The following HIGD1A variants were observed in gnomAD, a reference collection of about 807,000 sequenced individuals.
HIGD1A encodes the protein HIG1 hypoxia inducible domain family member 1A, also known as HIG1 domain family member 1A, mitochondrial.
In HIGD1A, 8 loss-of-function variants were observed where a neutral mutation model predicts 11.3. The observed-to-expected ratio is 0.71, with a 90% CI of 0.42 to 1.28. The LOEUF (loss-of-function observed/expected upper bound fraction) is 1.28. Among genes scored for constraint, HIGD1A ranks in the 50% most tolerant of loss-of-function variants. The pLI is 0.01. For synonymous variants in HIGD1A, 32 were observed against 38.4 expected (o/e 0.83, Z 0.62); for missense variants, 107 against 118.8 (o/e 0.90, Z 0.46).
rs1269856004 is a variant in HIGD1A at position 42,783,999 on chromosome 3, C to G, written c.*1272G>C. 6.6e-6 allele frequency among the ~76,000 whole-genome samples: 1 copy of G among 151,444 alleles called. No homozygotes were observed. Among genetic ancestry groups the G allele is most frequent in the Non-Finnish European group, 1.5e-5 (1 of 67,934 alleles). ...GCTGAGGCAAGAGAATCACTTGAAC[C>G]TGGGGGATGGAAGTTGCAGTGAGCC... On this transcript the variant is annotated 3_prime_UTR_variant, in exon 4 of 4. Coordinates refer to ENST00000321331, the MANE Select transcript of HIGD1A (RefSeq NM_014056.4).
intron 2 of HIGD1A, among the ~76,000 whole-genome samples, chr3:42,793,175 A>C (rs1176130234): frequency 6.6e-6 from 1 of 152,168 alleles, no homozygotes; most frequent in Non-Finnish European, 1.5e-5. Flanking sequence ...TAATTTTAAA[A>C]TTCTCTGTAA....
At chr3:42,792,673 CAA>C (rs770734262) in intron 2 of HIGD1A, among the ~76,000 whole-genome samples, 4 of 83,366 alleles carry the variant, frequency 4.8e-5, no homozygotes, top group Non-Finnish European at 7.2e-5. Flanking sequence ...GACTCCGTTT[CAA>C]AAAAAAAAAA....
At chr3:42,795,930 A>G (rs1700492332) in intron 1 of HIGD1A, among the ~76,000 whole-genome samples, 1 of 152,238 alleles carries the variant, frequency 6.6e-6, no homozygotes, top group Admixed American at 6.5e-5. Flanking sequence ...AAGGGCCTGA[A>G]GCATAGTGTA....
At chr3:42,785,919 G>A (rs1700343683) in intron 3 of HIGD1A, 109 bp downstream of exon 3, 1 of 940,060 alleles carries the variant, frequency 1.1e-6, no homozygotes, top group Non-Finnish European at 1.7e-6. Flanking sequence ...ATGAGTATAA[G>A]TGATATTCTC....
intron 2 of HIGD1A, among the ~76,000 whole-genome samples, chr3:42,786,769 TAAGA>T (rs951440479): frequency 2.0e-5 from 3 of 152,188 alleles, no homozygotes; most frequent in African/African-American, 7.2e-5. Context: ...GTTTTCTTTT[TAAGA>T]TTTATTATTT....
intron 1 of HIGD1A, 40 bp from the exon 2 acceptor site, chr3:42,794,315 T>A: frequency 6.6e-7 from 1 of 1,519,014 alleles, no homozygotes; most frequent in South Asian, 1.3e-5. Context: ...ATTAAAAGCA[T>A]CTGAACATTA....
chr3:42,800,773 G>C (rs529555752), intron 1 of HIGD1A, among the ~76,000 whole-genome samples: 1 of 151,664 alleles, frequency 6.6e-6, no homozygotes, highest in African/African-American at 2.4e-5. Context: ...AATCATCCTA[G>C]GAAGCCCGCC....
At chr3:42,788,530 CA>C (rs1312228588) in intron 2 of HIGD1A, among the ~76,000 whole-genome samples, 2 of 149,656 alleles carry the variant, frequency 1.3e-5, no homozygotes, top group Non-Finnish European at 2.9e-5. Context: ...CATAGCAATA[CA>C]TTTTTTTCCA....
intron 3 of HIGD1A, 116 bp from the exon 4 acceptor site, chr3:42,785,436 G>A: frequency 1.3e-6 from 1 of 774,424 alleles, no homozygotes; most frequent in Admixed American, 2.2e-5. Context: ...ATATTTACAA[G>A]GGGAATAAGA....
intron 2 of HIGD1A, among the ~76,000 whole-genome samples, chr3:42,786,517 T>A (rs1700353818): frequency 6.6e-6 from 1 of 152,208 alleles, no homozygotes; most frequent in African/African-American, 2.4e-5. Flanking sequence ...TTCCTCTCTG[T>A]CCTATTTCCC....
chr3:42,793,639 G>T (rs1258125071), intron 2 of HIGD1A, among the ~76,000 whole-genome samples: 1 of 152,174 alleles, frequency 6.6e-6, no homozygotes, highest in African/African-American at 2.4e-5. Context: ...TGGTCTTGGG[G>T]TCCCCCAATA....
intron 2 of HIGD1A, among the ~76,000 whole-genome samples, chr3:42,792,982 C>T (rs1700445386): frequency 1.4e-5 from 2 of 141,920 alleles, no homozygotes; most frequent in Admixed American, 7.2e-5. Flanking sequence ...AACTCCTTCT[C>T]GGAAAAAAAA....
At chr3:42,795,876 C>T (rs1022500719) in intron 1 of HIGD1A, among the ~76,000 whole-genome samples, 1 of 152,204 alleles carries the variant, frequency 6.6e-6, no homozygotes, top group African/African-American at 2.4e-5. Flanking sequence ...ACTTTCTTCA[C>T]TGAACTATTT....
At chr3:42,786,443 AGATTAT>A (rs1173419275) in intron 2 of HIGD1A, among the ~76,000 whole-genome samples, 1 of 152,236 alleles carries the variant, frequency 6.6e-6, no homozygotes, top group African/African-American at 2.4e-5. Context: ...ACAGGAACCT[AGATTAT>A]GATTATCAGA....
intron 3 of HIGD1A, 70 bp from the exon 4 acceptor site, chr3:42,785,390 T>C (rs1405823452): frequency 1.6e-6 from 2 of 1,268,812 alleles, no homozygotes; most frequent in Non-Finnish European, 2.3e-6. Flanking sequence ...AACCAGTTCA[T>C]AAAATAGCTG....
rs1323914281 is a variant in HIGD1A at position 42,783,788 on chromosome 3, A to G, written c.*1483T>C. ...ATAGAAGAGTGTTATAATTATATGG[A>G]TAATCAGCTGGGCGTGGTGGCTCAC... is the stretch of plus-strand genomic sequence containing the variant. On this transcript the variant is annotated 3_prime_UTR_variant, in exon 4 of 4. Coordinates refer to ENST00000321331, the MANE Select transcript of HIGD1A (RefSeq NM_014056.4). Among the ~76,000 whole-genome samples the G allele has an allele frequency of 7.9e-5, 12 of 152,122 alleles. No homozygotes were observed. The highest frequency in any genetic ancestry group is 1.5e-4 in the Non-Finnish European group (10 of 68,030).
chr3:42,793,701 G>A (rs575831105), intron 2 of HIGD1A, among the ~76,000 whole-genome samples: 1 of 152,352 alleles, frequency 6.6e-6, no homozygotes, highest in South Asian at 2.1e-4. Context: ...CTCAGCTGGA[G>A]TGGCAGCTCA....
rs1455714336 is a variant in HIGD1A at position 42,794,349 on chromosome 3, A to C, written c.-22-74T>G. Reference sequence around the variant, plus strand: ...TATTAAATATCTGGATGTATTTAAAATATTCCTAACTTCCATGAGAATCTT... The same window carrying C: ...TATTAAATATCTGGATGTATTTAAACTATTCCTAACTTCCATGAGAATCTT... On this transcript the variant is annotated intron_variant, in intron 1 of 3. Coordinates refer to ENST00000321331, the MANE Select transcript of HIGD1A (RefSeq NM_014056.4). 5 of 1,326,246 alleles carry C rather than the reference A, an allele frequency of 3.8e-6. No individual in the cohort carries two copies. The East Asian group carries it at 1.3e-4, about 36-fold the overall frequency. The allele number at this position is 1,326,246 out of a possible 1,614,324, so 82.2% of individuals were successfully genotyped here. A position where few individuals can be genotyped will look rare whatever the true frequency, so the allele number is the denominator to read the frequency against.
Position 42,804,474 on chromosome 3 carries a change from G to C in HIGD1A, c.-61C>G, listed in dbSNP as rs756183143. On this transcript the variant is annotated 5_prime_UTR_variant, in exon 1 of 4. It adds an upstream start codon to the 5' untranslated region. Coordinates refer to ENST00000321331, the MANE Select transcript of HIGD1A (RefSeq NM_014056.4). ...ACCTCTCACACCCCAACCGGCTTCCGATCCCTGCAGGCGCACCCAGTCCTC... is the reference window on the plus strand; with the variant it reads ...ACCTCTCACACCCCAACCGGCTTCCCATCCCTGCAGGCGCACCCAGTCCTC... 4 of 461,336 alleles carry C rather than the reference G, an allele frequency of 8.7e-6. No homozygotes were observed. The highest frequency in any genetic ancestry group is 4.0e-5 in the African/African-American group (2 of 49,446). The allele number at this position is 461,336 out of a possible 1,614,324, so 28.6% of individuals were successfully genotyped here. A position where few individuals can be genotyped will look rare whatever the true frequency, so the allele number is the denominator to read the frequency against.
Sources: allele counts gnomAD v4.1 joint callset (sites outside exome capture counted in the v4.1 genomes callset), GRCh38; gene constraint gnomAD v4.1.1; transcripts MANE v1.5; gene names NCBI Gene and HGNC (gene_info 2026-07-23, HGNC 2026-07-21).